The following SPAG16 variants were observed in gnomAD, a reference collection of about 807,000 sequenced individuals.
The protein encoded by SPAG16 is sperm-associated antigen 16 protein.
SPAG16 carries 86 observed loss-of-function variants against 80.4 expected under a neutral mutation model. The observed-to-expected ratio is 1.07, with a 90% CI of 0.90 to 1.28. The LOEUF (loss-of-function observed/expected upper bound fraction) is 1.28. Among genes scored for constraint, SPAG16 ranks in the 50% most tolerant of loss-of-function variants. The probability of loss-of-function intolerance (pLI) is 0.00; values close to 1 mark genes in which losing one functional copy is unlikely to be tolerated. For missense variants in SPAG16, 870 were observed against 765.3 expected (o/e 1.14, Z -1.61); for synonymous variants, 294 against 265.9 (o/e 1.11, Z -1.03).
At chr2:214,012,309 T>C (rs1301019460) in intron 12 of SPAG16, among the ~76,000 whole-genome samples, 1 of 113,448 alleles carries the variant, frequency 8.8e-6, no homozygotes, top group Non-Finnish European at 1.8e-5. Context: ...TTTTTTTTTT[T>C]CCTCGAGAGG....
intron 12 of SPAG16, among the ~76,000 whole-genome samples, chr2:213,933,347 A>C (rs1575589013): frequency 6.6e-6 from 1 of 152,370 alleles, no homozygotes; most frequent in Middle Eastern, 3.4e-3. Flanking sequence ...TGAGATTACA[A>C]GTAATTTAAA....
chr2:213,390,609 G>T (rs915163870), intron 9 of SPAG16, among the ~76,000 whole-genome samples: 5 of 152,034 alleles, frequency 3.3e-5, no homozygotes, highest in African/African-American at 7.2e-5. Context: ...ATTTAAAGAA[G>T]ATTTTAAAAA....
intron 12 of SPAG16, among the ~76,000 whole-genome samples, chr2:213,968,481 C>G (rs534882457): frequency 6.6e-6 from 1 of 152,326 alleles, no homozygotes; most frequent in South Asian, 2.1e-4. Context: ...GTGTGAGCCA[C>G]CGTGCCCGGC....
chr2:213,683,255 T>C (rs2064484880), intron 10 of SPAG16, among the ~76,000 whole-genome samples: 1 of 152,142 alleles, frequency 6.6e-6, no homozygotes, highest in Non-Finnish European at 1.5e-5. Flanking sequence ...AAAGTGTGCA[T>C]TAAAAGATAC....
intron 10 of SPAG16, among the ~76,000 whole-genome samples, chr2:213,803,532 AT>A (rs945845971): frequency 6.6e-6 from 1 of 152,110 alleles, no homozygotes; most frequent in Non-Finnish European, 1.5e-5. Context: ...CTCCAGATAG[AT>A]TTTTTTAAAA....
intron 13 of SPAG16, among the ~76,000 whole-genome samples, chr2:214,105,918 T>C (rs1284055391): frequency 6.6e-6 from 1 of 152,168 alleles, no homozygotes; most frequent in East Asian, 1.9e-4. Flanking sequence ...CGAGTCAGGT[T>C]TTGTTATAGC....
chr2:213,453,993 C>T lies in SPAG16; in HGVS notation c.943-35970C>T, dbSNP rs1005122443. On this transcript the variant is annotated intron_variant, in intron 9 of 15. Transcript: ENST00000331683. ...TTCCTCTTTTCTTCCCTTCCTTTAT[C>T]TATTACTCTCTTTCTTCCTCCCCTT... 1.1e-3 allele frequency among the ~76,000 whole-genome samples: 173 copies of T among 152,262 alleles called. 1 individual carries two copies. Among genetic ancestry groups the T allele is most frequent in the African/African-American group, 3.9e-3 (164 of 41,562 alleles).
intron 10 of SPAG16, among the ~76,000 whole-genome samples, chr2:213,735,568 A>G (rs724954): frequency 0.34 from 51,685 of 152,056 alleles, 9,944 homozygotes; most frequent in East Asian, 0.58. Flanking sequence ...CCATTAGTCA[A>G]GACAAGATAA....
At chr2:213,380,050 A>C (rs1490675537) in intron 9 of SPAG16, among the ~76,000 whole-genome samples, 1 of 152,082 alleles carries the variant, frequency 6.6e-6, no homozygotes, top group Non-Finnish European at 1.5e-5. Context: ...CCATCCACGT[A>C]CCTCTTTCCT....
At chr2:213,730,175 C>G (rs757489701) in intron 10 of SPAG16, among the ~76,000 whole-genome samples, 1 of 152,072 alleles carries the variant, frequency 6.6e-6, no homozygotes, top group African/African-American at 2.4e-5. Flanking sequence ...CAGAGGAATC[C>G]CATTTCTAAT....
At chr2:213,453,502 A>G (rs1307974985) in intron 9 of SPAG16, among the ~76,000 whole-genome samples, 1 of 152,248 alleles carries the variant, frequency 6.6e-6, no homozygotes, top group African/African-American at 2.4e-5. Context: ...AAGCAGTTTA[A>G]TTATATTTTC....
At chr2:214,208,776 A>C (rs1358000997) in intron 15 of SPAG16, among the ~76,000 whole-genome samples, 1 of 152,138 alleles carries the variant, frequency 6.6e-6, no homozygotes, top group East Asian at 1.9e-4. Context: ...AAATGGGCTA[A>C]TAGCTATATA....
intron 10 of SPAG16, among the ~76,000 whole-genome samples, chr2:213,696,336 A>G (rs2065151631): frequency 6.6e-6 from 1 of 152,182 alleles, no homozygotes; most frequent in Non-Finnish European, 1.5e-5. Context: ...CTAATTGACA[A>G]TTGGATATGT....
At chr2:214,332,816 G>T (rs1269032341) in intron 15 of SPAG16, among the ~76,000 whole-genome samples, 6 of 152,050 alleles carry the variant, frequency 3.9e-5, no homozygotes, top group Non-Finnish European at 7.4e-5. Flanking sequence ...CAGAGGCTAA[G>T]GAACTAATAT....
chr2:214,148,623 T>C lies in SPAG16; in HGVS notation c.1594-517T>C, dbSNP rs978665136. On this transcript the variant is annotated intron_variant, in intron 14 of 15. Coordinates refer to ENST00000331683, the MANE Select transcript of SPAG16 (RefSeq NM_024532.5). The stretch of plus-strand genomic sequence containing the variant: ...TCTTCTCTCACTGTGTCCATTTTAC[T>C]TCCTACCTCTTTTTGTTTTTTCTCT... Among the ~76,000 whole-genome samples, 12 of 150,652 alleles carry C rather than the reference T, an allele frequency of 8.0e-5. 1 individual carries two copies. The highest frequency in any genetic ancestry group is 1.8e-4 in the Non-Finnish European group (12 of 67,798).
chr2:213,473,288 C>T (rs1458707176), intron 9 of SPAG16, among the ~76,000 whole-genome samples: 1 of 152,100 alleles, frequency 6.6e-6, no homozygotes, highest in African/African-American at 2.4e-5. Context: ...GGTTGAGTGT[C>T]GCCACTTGGT....
At chr2:213,926,547 T>C (rs750662505) in intron 11 of SPAG16, among the ~76,000 whole-genome samples, 4 of 152,304 alleles carry the variant, frequency 2.6e-5, no homozygotes, top group Non-Finnish European at 4.4e-5. Context: ...TGAATTTTGC[T>C]GTTTCTCATA....
intron 3 of SPAG16, among the ~76,000 whole-genome samples, chr2:213,309,813 G>GT (rs2063108639): frequency 6.6e-6 from 1 of 151,954 alleles, no homozygotes; most frequent in Admixed American, 6.6e-5. Context: ...CATAGTATAT[G>GT]TTTTTTATTT....
At chr2:213,587,179 C>T (rs1430365965) in intron 10 of SPAG16, among the ~76,000 whole-genome samples, 2 of 152,120 alleles carry the variant, frequency 1.3e-5, no homozygotes, top group Non-Finnish European at 2.9e-5. Flanking sequence ...GACAATGAGG[C>T]AATTTTCTTT....
Sources: gnomAD v4.1 joint callset for allele counts (sites outside exome capture counted in the v4.1 genomes callset) on GRCh38, gnomAD v4.1.1 for gene constraint, MANE v1.5 for transcripts, NCBI Gene and HGNC (gene_info 2026-07-23, HGNC 2026-07-21) for gene names.